FAM107A: variants seen among roughly 807,000 people sequenced by gnomAD.
FAM107A encodes the protein family with sequence similarity 107 member A.
FAM107A carries 19 observed loss-of-function variants against 13.7 expected under a neutral mutation model. The ratio of observed to expected loss-of-function variants is 1.38; its 90% confidence interval spans 0.97 to 2.03. FAM107A has a LOEUF of 2.03. Among genes scored for constraint, FAM107A ranks in the 30% most tolerant of loss-of-function variants. FAM107A has a pLI of 0.00. For missense variants in FAM107A, 203 were observed against 184.4 expected (o/e 1.10, Z -0.58); for synonymous variants, 82 against 74.5 (o/e 1.10, Z -0.52).
At chr3:58,573,581 G>C (rs967006457) in intron 1 of FAM107A, 15 of 152,578 alleles carry the variant, frequency 9.8e-5, no homozygotes, top group African/African-American at 2.7e-4. Context: ...TCTCTGGAAA[G>C]AAAAAGGTGA....
Position 58,583,056 on chromosome 3 carries a change from C to T in FAM107A, c.79+3802G>A, listed in dbSNP as rs542888641. 1.5e-3 allele frequency among the ~76,000 whole-genome samples: 233 copies of T among 152,276 alleles called. 5 individuals are homozygous for T. The South Asian group carries it at 0.046, about 30-fold the overall frequency. ...TCAAGTGATCCACCTGCCTTGGCCT[C>T]GCAGAGCGTTGGGATTACAGGCGTG... On this transcript the variant is annotated intron_variant, in intron 1 of 3. Coordinates refer to the FAM107A transcript ENST00000447756.
intron 1 of FAM107A, among the ~76,000 whole-genome samples, chr3:58,616,874 A>T (rs2065906900): frequency 6.6e-6 from 1 of 152,104 alleles, no homozygotes; most frequent in Non-Finnish European, 1.5e-5. Flanking sequence ...CCCGGGTTCA[A>T]GTGATTCTCC....
At chr3:58,608,456 T>TC (rs1325215949) in intron 1 of FAM107A, among the ~76,000 whole-genome samples, 1 of 152,188 alleles carries the variant, frequency 6.6e-6, no homozygotes, top group African/African-American at 2.4e-5. Flanking sequence ...AACAACTCCT[T>TC]CCTTATCTAT....
intron 1 of FAM107A, among the ~76,000 whole-genome samples, chr3:58,573,301 C>T (rs993152414): frequency 6.6e-6 from 1 of 152,186 alleles, no homozygotes; most frequent in Non-Finnish European, 1.5e-5. Flanking sequence ...GAAAGCTGAG[C>T]CAGCCTTTCT....
chr3:58,609,421 C>T (rs772224084), intron 1 of FAM107A, among the ~76,000 whole-genome samples: 2 of 152,190 alleles, frequency 1.3e-5, no homozygotes, highest in African/African-American at 2.4e-5. Flanking sequence ...ATTGCCCCTT[C>T]CTCAATTAAG....
In FAM107A at chr3:58,569,954, G is replaced by A; in HGVS notation, c.-5-89C>T. On this transcript the variant is annotated intron_variant, in intron 1 of 3. Transcript: ENST00000360997. The surrounding 1 kb of genome is among the most constrained non-coding windows in gnomAD (Gnocchi z 5.7). The stretch of plus-strand genomic sequence containing the variant: ...CACAGTTGAAGGGCAAGGTTTTCAT[G>A]TCAGATGGACCTTGGCCACCTGCTA... 2 of 1,371,574 alleles carry A rather than the reference G, an allele frequency of 1.5e-6. No homozygotes were observed. Among genetic ancestry groups the A allele is most frequent in the Non-Finnish European group, 2.0e-6 (2 of 1,010,720 alleles). 85.0% of individuals were successfully genotyped at this position (1,371,574 alleles called of 1,614,324 possible). A position where few individuals can be genotyped will look rare whatever the true frequency, so the allele number is the denominator to read the frequency against.
At chr3:58,571,125 A>G (rs569911319) in intron 1 of FAM107A, among the ~76,000 whole-genome samples, 19 of 152,214 alleles carry the variant, frequency 1.2e-4, no homozygotes, top group Admixed American at 2.6e-4. Flanking sequence ...TGGGGTCAGA[A>G]AATACAGAGA....
chr3:58,596,714 C>T (rs1223679836), intron 1 of FAM107A, among the ~76,000 whole-genome samples: 2 of 151,932 alleles, frequency 1.3e-5, no homozygotes, highest in African/African-American at 4.8e-5. Context: ...GCATAAAGTC[C>T]ATTGTGCAGC....
chr3:58,621,012 T>C (rs1178675917), intron 1 of FAM107A, among the ~76,000 whole-genome samples: 2 of 152,042 alleles, frequency 1.3e-5, no homozygotes, highest in Admixed American at 1.3e-4. Flanking sequence ...TCTAACTTTT[T>C]CAGGAGTTTC....
chr3:58,594,544 T>C (rs577335084), intron 1 of FAM107A, among the ~76,000 whole-genome samples: 1 of 152,252 alleles, frequency 6.6e-6, no homozygotes. Context: ...ACAAGGTCTC[T>C]TCTTCCTCTG....
chr3:58,607,071 T>G (rs2065801144), intron 1 of FAM107A: 1 of 152,208 alleles, frequency 6.6e-6, no homozygotes, highest in South Asian at 2.1e-4. Flanking sequence ...TCTTCCCCCT[T>G]AACCCAGGGC....
At chr3:58,573,311 T>C (rs542517461) in intron 1 of FAM107A, among the ~76,000 whole-genome samples, 52 of 152,362 alleles carry the variant, frequency 3.4e-4, no homozygotes, top group African/African-American at 1.2e-3. Flanking sequence ...CCAGCCTTTC[T>C]GCCTTTTAAT....
chr3:58,569,138 G>A lies in FAM107A; in HGVS notation c.170+553C>T, dbSNP rs2063654882. Among the ~76,000 whole-genome samples the A allele has an allele frequency of 6.6e-6, 1 of 152,146 alleles. No individual in the cohort carries two copies. Among genetic ancestry groups the A allele is most frequent in the Admixed American group, 6.5e-5 (1 of 15,280 alleles). On this transcript the variant is annotated intron_variant, in intron 2 of 3. Coordinates refer to ENST00000360997, the MANE Select transcript of FAM107A (RefSeq NM_001076778.3). The surrounding 1 kb of genome is among the most constrained non-coding windows in gnomAD (Gnocchi z 5.7). The stretch of plus-strand genomic sequence containing the variant: ...GCCCCAGGCACAGTGAGTGACTCCT[G>A]TTTCCTGTTCATTTACATATGAGGT...
intron 1 of FAM107A, among the ~76,000 whole-genome samples, chr3:58,619,142 A>G (rs2065930500): frequency 6.6e-6 from 1 of 152,066 alleles, no homozygotes; most frequent in African/African-American, 2.4e-5. Flanking sequence ...CTGGGACTAC[A>G]TGTGCACCAC....
intron 1 of FAM107A, among the ~76,000 whole-genome samples, chr3:58,623,513 C>G (rs139274172): frequency 6.6e-6 from 1 of 152,152 alleles, no homozygotes; most frequent in Non-Finnish European, 1.5e-5. Flanking sequence ...CTGGGCACCT[C>G]GCCCCAGCCT....
At chr3:58,609,002 G>A (rs1428101798) in intron 1 of FAM107A, 1 of 152,178 alleles carries the variant, frequency 6.6e-6, no homozygotes, top group Non-Finnish European at 1.5e-5. Flanking sequence ...GGGACTCTTG[G>A]CTCTCAGAGG....
upstream of FAM107A, among the ~76,000 whole-genome samples, chr3:58,579,031 C>T (rs1287355100): frequency 4.6e-5 from 7 of 152,190 alleles, no homozygotes; most frequent in African/African-American, 7.2e-5. Context: ...AAGGGGGACA[C>T]ACAGTAAAGA....
chr3:58,597,812 A>G (rs1037908572), intron 1 of FAM107A, among the ~76,000 whole-genome samples: 1 of 152,174 alleles, frequency 6.6e-6, no homozygotes, highest in Non-Finnish European at 1.5e-5. Context: ...TAAGATACAC[A>G]GCTGGATGGA....
intron 1 of FAM107A, chr3:58,572,762 T>C (rs1467394343): frequency 2.6e-5 from 4 of 152,216 alleles, no homozygotes; most frequent in South Asian, 2.1e-4. Context: ...AAATCTGTGA[T>C]TGACCTGGCT....
Sources: gnomAD v4.1 joint callset for allele counts (sites outside exome capture counted in the v4.1 genomes callset) on GRCh38, gnomAD v4.1.1 for gene constraint, Gnocchi (gnomAD v3.1) non-coding constraint, MANE v1.5 for transcripts, NCBI Gene and HGNC (gene_info 2026-07-23, HGNC 2026-07-21) for gene names.